DCDC2C: variants seen among roughly 807,000 people sequenced by gnomAD.
DCDC2C encodes the protein doublecortin domain-containing protein 2C.
A neutral mutation model predicts 45.0 loss-of-function variants in DCDC2C; 44 were observed. The ratio of observed to expected loss-of-function variants is 0.98; its 90% CI spans 0.77 to 1.26. DCDC2C has a LOEUF of 1.26. DCDC2C is among the 50% of genes most tolerant of loss of function. The pLI, the probability that DCDC2C is intolerant of heterozygous loss-of-function variation, is 0.00. For synonymous variants in DCDC2C, 187 were observed against 178.8 expected, an observed-to-expected ratio of 1.05 and a Z score of -0.37; for missense variants, 447 against 468.9, an observed-to-expected ratio of 0.95 and a Z score of 0.43.
At position 3,734,787 on chromosome 2, in the gene DCDC2C, A is replaced by T. The variant is rs73910350; in HGVS notation, c.417-7133A>T. On this transcript the variant is annotated intron_variant, in intron 3 of 10. Coordinates refer to ENST00000399143, the MANE Select transcript of DCDC2C (RefSeq NM_001287444.2). This position sits in a 1 kb window ranked among gnomAD's most constrained non-coding sequence, Gnocchi z 4.2. The stretch of plus-strand genomic sequence containing the variant: ...TTTGGGGAGAAGACTCCAAGACATG[A>T]TCCTCTCCTTCATGCACAAGGAAGG... Among the ~76,000 whole-genome samples, 2,477 of 152,282 alleles carry T rather than the reference A, an allele frequency of 0.016. 69 individuals carry two copies. Among genetic ancestry groups the T allele is most frequent in the African/African-American group, 0.056 (2,334 of 41,536 alleles).
chr2:3,768,658 C>T (rs1284750881), intron 7 of DCDC2C, among the ~76,000 whole-genome samples: 1 of 152,216 alleles, frequency 6.6e-6, no homozygotes, highest in Non-Finnish European at 1.5e-5. Flanking sequence ...ACTGCAACCT[C>T]TGCCTCCCGA....
intron 2 of DCDC2C, among the ~76,000 whole-genome samples, chr2:3,724,321 G>A (rs1668578268): frequency 2.0e-5 from 3 of 152,170 alleles, no homozygotes; most frequent in African/African-American, 4.8e-5. Context: ...CTATTCTGAC[G>A]AAAGGCATTG....
chr2:3,771,626 G>A (rs978103047), intron 8 of DCDC2C, among the ~76,000 whole-genome samples: 18 of 152,326 alleles, frequency 1.2e-4, no homozygotes, highest in South Asian at 1.0e-3. Flanking sequence ...CCTGTGTGCC[G>A]TTGTCCAAGG....
chr2:3,831,421 T>C (rs2148235041), intron 10 of DCDC2C, among the ~76,000 whole-genome samples: 1 of 152,332 alleles, frequency 6.6e-6, no homozygotes, highest in East Asian at 1.9e-4. Context: ...TGCAAACCTG[T>C]ACAGTAAATG....
At chr2:3,714,493 T>C (rs1281484775) in intron 2 of DCDC2C, among the ~76,000 whole-genome samples, 1 of 151,888 alleles carries the variant, frequency 6.6e-6, no homozygotes, top group Non-Finnish European at 1.5e-5. Flanking sequence ...TTCAATGTTT[T>C]TTCCCCCCAT....
At chr2:3,707,659 T>C (rs1668101230) in intron 1 of DCDC2C, among the ~76,000 whole-genome samples, 1 of 152,228 alleles carries the variant, frequency 6.6e-6, no homozygotes, top group South Asian at 2.1e-4. Flanking sequence ...CTCCGCTATC[T>C]GGACCTGTGA....
intron 3 of DCDC2C, among the ~76,000 whole-genome samples, chr2:3,732,077 A>C (rs1159130748): frequency 1.3e-5 from 2 of 152,150 alleles, no homozygotes; most frequent in African/African-American, 4.8e-5. Context: ...TGACCGCACT[A>C]GGGAAGCGCA....
chr2:3,833,207 G>C (rs1671995011), intron 10 of DCDC2C, among the ~76,000 whole-genome samples: 1 of 152,184 alleles, frequency 6.6e-6, no homozygotes, highest in South Asian at 2.1e-4. Context: ...TTGTGATTAT[G>C]TTGGGCACTC....
In DCDC2C at chr2:3,729,952, CCCT is replaced by C. The variant is rs1668814302; in HGVS notation, c.416+2878_416+2880del. On this transcript the variant is annotated intron_variant, in intron 3 of 10. Transcript: ENST00000399143. ...AGGCCAGAGTTCTGTGAAACTCAGT[CCCT>C]CCTCTTGTTCATGAAGACAAGCAGA... Among the ~76,000 whole-genome samples the C allele has an allele frequency of 2.6e-5, 4 of 152,246 alleles. No individual in the cohort carries two copies. The South Asian group carries it at 8.3e-4, about 32-fold the overall frequency.
chr2:3,721,740 G>T (rs1220969112), intron 2 of DCDC2C, among the ~76,000 whole-genome samples: 2 of 152,206 alleles, frequency 1.3e-5, no homozygotes, highest in East Asian at 3.9e-4. Flanking sequence ...GAATTATGGG[G>T]GCAGGTCTTT....
At chr2:3,796,354 C>G (rs1670952272) in intron 10 of DCDC2C, among the ~76,000 whole-genome samples, 1 of 109,644 alleles carries the variant, frequency 9.1e-6, no homozygotes, top group Admixed American at 9.0e-5. Flanking sequence ...ACTGAATACC[C>G]TTTATTTCCT....
At chr2:3,825,511 T>C (rs564608964) in intron 10 of DCDC2C, among the ~76,000 whole-genome samples, 1 of 152,342 alleles carries the variant, frequency 6.6e-6, no homozygotes, top group Non-Finnish European at 1.5e-5. Context: ...AGTAGTTTTC[T>C]TTCCAAGTTA....
chr2:3,753,806 C>G (rs1257895417), intron 5 of DCDC2C, among the ~76,000 whole-genome samples: 1 of 152,178 alleles, frequency 6.6e-6, no homozygotes, highest in African/African-American at 2.4e-5. Context: ...GTTTGTACCT[C>G]AAGGCAGAGA....
At chr2:3,742,774 C>T (rs182742197) in intron 4 of DCDC2C, among the ~76,000 whole-genome samples, 88 of 152,254 alleles carry the variant, frequency 5.8e-4, no homozygotes, top group Admixed American at 1.2e-3. Flanking sequence ...TGAGGGAGCA[C>T]GACACTGTCA....
intron 1 of DCDC2C, among the ~76,000 whole-genome samples, chr2:3,705,237 G>C (rs535969772): frequency 1.3e-5 from 2 of 152,340 alleles, no homozygotes; most frequent in South Asian, 4.1e-4. Context: ...CCATTCAGTT[G>C]TTTCTGAAGA....
intron 10 of DCDC2C, among the ~76,000 whole-genome samples, chr2:3,820,267 T>A (rs1401230080): frequency 6.6e-6 from 1 of 152,118 alleles, no homozygotes; most frequent in Admixed American, 6.5e-5. Context: ...GGCCAAGTGG[T>A]GTTGCAGAAG....
rs1672358236 is a variant in DCDC2C at position 3,847,285 on chromosome 2, G to A, written c.*102G>A. The stretch of plus-strand genomic sequence containing the variant: ...ACAGCAAGAAAATCACATGTGGGGT[G>A]AAACTAAAGCCCCACACAGTGGTGT... On this transcript the variant is annotated 3_prime_UTR_variant, in exon 11 of 11. Coordinates refer to ENST00000399143, the MANE Select transcript of DCDC2C (RefSeq NM_001287444.2). The A allele has an allele frequency of 1.2e-6, 1 of 814,584 alleles. No homozygotes were observed. The highest frequency in any genetic ancestry group is 1.8e-5 in the African/African-American group (1 of 56,072). The allele number at this position is 814,584 out of a possible 1,614,324, so 50.5% of individuals were successfully genotyped here. A position where few individuals can be genotyped will look rare whatever the true frequency, so the allele number is the denominator to read the frequency against.
intron 10 of DCDC2C, 100 bp from the exon 11 acceptor site, chr2:3,847,054 T>C: frequency 9.4e-6 from 2 of 211,974 alleles, no homozygotes; most frequent in Non-Finnish European, 1.5e-5. Context: ...GAATCCAGAA[T>C]CCAACAGAAA....
chr2:3,813,076 T>A (rs868364823), intron 10 of DCDC2C, among the ~76,000 whole-genome samples: 8,134 of 128,366 alleles, frequency 0.063, 477 homozygotes, highest in East Asian at 0.093. Context: ...TATTTTTTTT[T>A]TTTTGCTGTT....
Sources: gnomAD v4.1 joint callset for allele counts (sites outside exome capture counted in the v4.1 genomes callset) on GRCh38, gnomAD v4.1.1 for gene constraint, Gnocchi (gnomAD v3.1) non-coding constraint, MANE v1.5 for transcripts, NCBI Gene and HGNC (gene_info 2026-07-23, HGNC 2026-07-21) for gene names.